The following MOCOS variants were observed in gnomAD, a reference collection of about 807,000 sequenced individuals.
The protein encoded by MOCOS is molybdenum cofactor sulfurase, also known as human molybdenum cofactor sulfurase.
A neutral mutation model predicts 83.6 loss-of-function variants in MOCOS; 86 were observed. That is an observed-to-expected ratio of 1.03 (90% CI 0.86 to 1.23). The LOEUF (loss-of-function observed/expected upper bound fraction) is 1.23, where lower values mean the gene tolerates loss of function less well. Among genes scored for constraint, MOCOS ranks in the 50% most tolerant of loss-of-function variants. The pLI is 0.00. For missense variants in MOCOS, 1,120 were observed against 1,126.9 expected, an observed-to-expected ratio of 0.99 and a Z score of 0.09; for synonymous variants, 445 against 434.7, an observed-to-expected ratio of 1.02 and a Z score of -0.29.
intron 9 of MOCOS, among the ~76,000 whole-genome samples, chr18:36,245,093 T>G (rs1008348560): frequency 7.9e-5 from 12 of 152,182 alleles, no homozygotes; most frequent in African/African-American, 1.2e-4. Context: ...ATTCTGCCTC[T>G]TTTAAGTGGA....
chr18:36,190,028 T>C (rs535734754), intron 1 of MOCOS: 1 of 152,284 alleles, frequency 6.6e-6, no homozygotes, highest in East Asian at 1.9e-4. Flanking sequence ...TATGGGTGAT[T>C]TAACACAGCT....
intron 9 of MOCOS, among the ~76,000 whole-genome samples, chr18:36,230,087 G>T (rs971891996): frequency 1.1e-4 from 16 of 151,962 alleles, no homozygotes. Flanking sequence ...TGCATTACTT[G>T]TTTGTTTCTT....
rs564609946 is a variant in MOCOS, at chr18:36,258,241, C to T, written c.2270+1168C>T. The stretch of plus-strand genomic sequence containing the variant: ...CATCTGGTTTATAGCAGGGTGGACC[C>T]GCTGGGCAGCTGATCCAAGAGCAGA... On this transcript the variant is annotated intron_variant, in intron 12 of 14. Coordinates refer to ENST00000261326, the MANE Select transcript of MOCOS (RefSeq NM_017947.4). Among the ~76,000 whole-genome samples the T allele has an allele frequency of 1.9e-3, 294 of 152,232 alleles. 3 individuals carry two copies. Among genetic ancestry groups the T allele is most frequent in the African/African-American group, 6.7e-3 (278 of 41,572 alleles).
chr18:36,215,392 T>C lies in MOCOS; in HGVS notation c.1336-124T>C, dbSNP rs79152446. The C allele has an allele frequency of 0.021, 18,369 of 887,374 alleles. 247 individuals carry two copies. Among genetic ancestry groups the C allele is most frequent in the Non-Finnish European group, 0.025 (14,143 of 554,878 alleles). The allele number at this position is 887,374 out of a possible 1,614,324, so 55.0% of individuals were successfully genotyped here. On this transcript the variant is annotated intron_variant, in intron 7 of 14. Coordinates refer to ENST00000261326, the MANE Select transcript of MOCOS (RefSeq NM_017947.4). ...TATGTCCCAGACGCACAGCACATAT[T>C]AATGTTGCAGTTCTGTTTTCCTGGG...
At chr18:36,232,976 G>C (rs879805004) in intron 9 of MOCOS, among the ~76,000 whole-genome samples, 1 of 151,896 alleles carries the variant, frequency 6.6e-6, no homozygotes, top group Non-Finnish European at 1.5e-5. Flanking sequence ...ATAAAAATGG[G>C]AATGCAGATA....
chr18:36,251,627 C>A (rs1301115726), intron 11 of MOCOS, among the ~76,000 whole-genome samples: 3 of 152,208 alleles, frequency 2.0e-5, no homozygotes, highest in Non-Finnish European at 2.9e-5. Context: ...AGCAAGGAAA[C>A]CTGGCTTGCT....
intron 9 of MOCOS, among the ~76,000 whole-genome samples, chr18:36,222,801 C>T (rs1447595316): frequency 6.6e-6 from 1 of 152,082 alleles, no homozygotes; most frequent in Admixed American, 6.6e-5. Flanking sequence ...GGGGTTTCAC[C>T]GTGTTAGCCA....
At position 36,197,216 on chromosome 18, in the gene MOCOS, G is replaced by C. The variant is rs544710046; in HGVS notation, c.233-1474G>C. Among the ~76,000 whole-genome samples, 10 of 152,270 alleles carry C rather than the reference G, an allele frequency of 6.6e-5. No individual in the cohort carries two copies. The South Asian group carries it at 2.1e-3, about 32-fold the overall frequency. On this transcript the variant is annotated intron_variant, in intron 2 of 14. Coordinates refer to ENST00000261326, the MANE Select transcript of MOCOS (RefSeq NM_017947.4). The stretch of plus-strand genomic sequence containing the variant: ...GGAAAGGCATCAGCAGTGGTGGTGG[G>C]ATCTGCAGGGCAATACGTGGGGACT...
At chr18:36,197,749 G>A (rs1205817034) in intron 2 of MOCOS, among the ~76,000 whole-genome samples, 1 of 152,044 alleles carries the variant, frequency 6.6e-6, no homozygotes, top group Non-Finnish European at 1.5e-5. Flanking sequence ...TCCAGCCTGG[G>A]TGATAGAGTA....
intron 9 of MOCOS, among the ~76,000 whole-genome samples, chr18:36,238,413 G>T (rs1442555409): frequency 6.6e-6 from 1 of 150,614 alleles, no homozygotes; most frequent in Non-Finnish European, 1.5e-5. Context: ...TTCAGGAGCC[G>T]GTTGTTCAGT....
At chr18:36,206,923 GA>G (rs753681089) in intron 6 of MOCOS, among the ~76,000 whole-genome samples, 2 of 152,200 alleles carry the variant, frequency 1.3e-5, no homozygotes, top group Non-Finnish European at 2.9e-5. Context: ...TTGCTGTTGA[GA>G]AAAGTGCTAC....
chr18:36,249,097 C>A lies in MOCOS; in HGVS notation c.2039+97C>A. Reference sequence around the variant, plus strand: ...CCTATGCAATCTATCCTTTGCTACCCTTCAGTCCAGTTGCTGTCCATTTCT... The same window carrying A: ...CCTATGCAATCTATCCTTTGCTACCATTCAGTCCAGTTGCTGTCCATTTCT... On this transcript the variant is annotated intron_variant, in intron 10 of 14. Coordinates refer to ENST00000261326, the MANE Select transcript of MOCOS (RefSeq NM_017947.4). 5 of 1,066,258 alleles carry A rather than the reference C, an allele frequency of 4.7e-6. No homozygotes were observed. The South Asian group carries it at 5.2e-5, about 11-fold the overall frequency. 66.0% of individuals were successfully genotyped at this position (1,066,258 alleles called of 1,614,324 possible).
intron 2 of MOCOS, among the ~76,000 whole-genome samples, chr18:36,197,769 C>G (rs2091395254): frequency 6.6e-6 from 1 of 151,876 alleles, no homozygotes; most frequent in Admixed American, 6.6e-5. Context: ...AAGATTGTGT[C>G]TCTCTTAAAA....
intron 9 of MOCOS, among the ~76,000 whole-genome samples, chr18:36,239,766 G>T (rs907449277): frequency 6.0e-4 from 89 of 149,256 alleles, no homozygotes; most frequent in African/African-American, 2.1e-3. Flanking sequence ...TCACTTTCAG[G>T]TACACCAATC....
chr18:36,244,647 G>A (rs1364310372), intron 9 of MOCOS, among the ~76,000 whole-genome samples: 2 of 152,064 alleles, frequency 1.3e-5, no homozygotes, highest in African/African-American at 2.4e-5. Context: ...ATTTGTTTTA[G>A]GGTATAGTTT....
Position 36,263,299 on chromosome 18 carries a change from G to T in MOCOS, c.2409+3124G>T, listed in dbSNP as rs568490839. On this transcript the variant is annotated intron_variant, in intron 13 of 14. Coordinates refer to ENST00000261326, the MANE Select transcript of MOCOS (RefSeq NM_017947.4). The stretch of plus-strand genomic sequence containing the variant: ...CTGATACTACAAAAAAAATGAAAAG[G>T]AAAGACAGTTATGTGAATTAGGCCT... Among the ~76,000 whole-genome samples, 3 of 152,254 alleles carry T rather than the reference G, an allele frequency of 2.0e-5. No individual in the cohort carries two copies. The East Asian group carries it at 5.8e-4, about 29-fold the overall frequency.
At chr18:36,188,633 G>T (rs2091352105) in intron 1 of MOCOS, among the ~76,000 whole-genome samples, 1 of 152,206 alleles carries the variant, frequency 6.6e-6, no homozygotes, top group Non-Finnish European at 1.5e-5. Context: ...ACTGGTGACT[G>T]CTCCCCTTCT....
At position 36,198,635 on chromosome 18, in the gene MOCOS, CAA is replaced by C. The variant is rs1438525511; in HGVS notation, c.233-52_233-51del. On this transcript the variant is annotated intron_variant, in intron 2 of 14. Transcript: ENST00000261326. The stretch of plus-strand genomic sequence containing the variant: ...TGAGGGAGTGGATTCAGAAGGAACA[CAA>C]AAGAAGCGACCCTAAGTAGTGACTT... 1.8e-4 allele frequency: 283 copies of C among 1,569,888 alleles called. No individual in the cohort carries two copies. The East Asian group carries it at 5.0e-3, about 28-fold the overall frequency.
chr18:36,268,890 G>A lies in MOCOS; in HGVS notation c.*205G>A. ...CTGTGCTCAGGAGAGCACTTCTGAG[G>A]CCTCAGGAACGAATGCTGCACCCAC... On this transcript the variant is annotated 3_prime_UTR_variant, in exon 15 of 15. Coordinates refer to ENST00000261326, the MANE Select transcript of MOCOS (RefSeq NM_017947.4). The A allele has an allele frequency of 1.7e-6, 1 of 591,248 alleles. No individual in the cohort carries two copies. The highest frequency in any genetic ancestry group is 3.0e-6 in the Non-Finnish European group (1 of 334,650). The allele number at this position is 591,248 out of a possible 1,614,324, so 36.6% of individuals were successfully genotyped here.
Sources: gnomAD v4.1 joint callset for allele counts (sites outside exome capture counted in the v4.1 genomes callset) on GRCh38, gnomAD v4.1.1 for gene constraint, MANE v1.5 for transcripts, NCBI Gene and HGNC (gene_info 2026-07-23, HGNC 2026-07-21) for gene names.